TMEM131: variants seen among roughly 807,000 people sequenced by gnomAD.
The protein encoded by TMEM131 is 2610524E03Rik.
A neutral mutation model predicts 211.6 loss-of-function variants in TMEM131; 66 were observed. The ratio of observed to expected loss-of-function variants is 0.31; its 90% confidence interval spans 0.26 to 0.38. The LOEUF is 0.38. Among genes scored for constraint, TMEM131 ranks in the 10% least tolerant of loss-of-function variants. The pLI, the probability that TMEM131 is intolerant of heterozygous loss-of-function variation, is 1.00. For missense variants in TMEM131, 2,036 were observed against 2,299.3 expected (o/e 0.89, Z 2.34); for synonymous variants, 844 against 841.3 (o/e 1.00, Z -0.06).
At chr2:97,772,853 T>C (rs999714313) in intron 32 of TMEM131, among the ~76,000 whole-genome samples, 1 of 152,240 alleles carries the variant, frequency 6.6e-6, no homozygotes, top group Non-Finnish European at 1.5e-5. Context: ...GCTGAGATCA[T>C]GCCACTAAAC....
At chr2:97,833,339 AG>A in intron 11 of TMEM131, 25 bp downstream of exon 11, 1 of 1,027,484 alleles carries the variant, frequency 9.7e-7, no homozygotes, top group Non-Finnish European at 1.4e-6. Flanking sequence ...TATATAAATT[AG>A]GGGAAAAAAG....
At chr2:97,794,641 T>C (rs1171772740) in intron 29 of TMEM131, among the ~76,000 whole-genome samples, 1 of 152,238 alleles carries the variant, frequency 6.6e-6, no homozygotes, top group Non-Finnish European at 1.5e-5. Flanking sequence ...AAGTATATTA[T>C]ATATATGCCC....
At chr2:97,847,299 T>C (rs1014530917) in intron 5 of TMEM131, among the ~76,000 whole-genome samples, 1 of 152,158 alleles carries the variant, frequency 6.6e-6, no homozygotes, top group East Asian at 1.9e-4. Flanking sequence ...GAAAAATCCC[T>C]AAAAATATCT....
intron 22 of TMEM131, among the ~76,000 whole-genome samples, chr2:97,804,826 G>A (rs554926986): frequency 1.3e-5 from 2 of 151,980 alleles, no homozygotes; most frequent in Non-Finnish European, 2.9e-5. Context: ...TCCTACATAA[G>A]AACAACTTCA....
chr2:97,799,230 C>T (rs1243352045), intron 25 of TMEM131, among the ~76,000 whole-genome samples: 3 of 152,034 alleles, frequency 2.0e-5, no homozygotes. Context: ...ATCAAACTTT[C>T]CTAGCAGCCA....
Position 97,903,564 on chromosome 2 carries a change from G to A in TMEM131, c.290+5094C>T, listed in dbSNP as rs550546200. Among the ~76,000 whole-genome samples the A allele has an allele frequency of 5.9e-5, 9 of 152,284 alleles. No individual in the cohort carries two copies. In the East Asian group the frequency reaches 9.6e-4, roughly 16 times the overall value. On this transcript the variant is annotated intron_variant, in intron 3 of 40. Coordinates refer to ENST00000186436, the MANE Select transcript of TMEM131 (RefSeq NM_015348.2). ...TAAGAGAAAAATGGAACAAAGAGACGCCAAGTGCTTCCTGATAGGATGCAT... is the reference window on the plus strand; with the variant it reads ...TAAGAGAAAAATGGAACAAAGAGACACCAAGTGCTTCCTGATAGGATGCAT...
intron 1 of TMEM131, among the ~76,000 whole-genome samples, chr2:97,948,574 GC>G (rs1429139254): frequency 6.6e-6 from 1 of 152,164 alleles, no homozygotes; most frequent in African/African-American, 2.4e-5. Context: ...GCAAGGATGT[GC>G]AGGAAGTGGA....
intron 1 of TMEM131, 38 bp downstream of exon 1, chr2:97,995,438 A>G: frequency 7.5e-7 from 1 of 1,326,798 alleles, no homozygotes; most frequent in Non-Finnish European, 9.6e-7. Flanking sequence ...GAGCGGGGTG[A>G]CAGCCCCGCC....
intron 4 of TMEM131, chr2:97,887,845 A>G: frequency 2.3e-6 from 1 of 442,168 alleles, no homozygotes; most frequent in Admixed American, 3.7e-5. Flanking sequence ...GTATTTTTCA[A>G]GCTTTAAAAG....
intron 27 of TMEM131, 73 bp from the exon 28 acceptor site, chr2:97,796,477 T>A: frequency 1.1e-6 from 1 of 917,350 alleles, no homozygotes; most frequent in African/African-American, 1.7e-5. Context: ...ATAAATACAT[T>A]ATTCATGAAT....
At chr2:97,779,110 C>T (rs1679869039) in intron 31 of TMEM131, among the ~76,000 whole-genome samples, 1 of 152,222 alleles carries the variant, frequency 6.6e-6, no homozygotes, top group South Asian at 2.1e-4. Flanking sequence ...GATTCTGACT[C>T]AACAGTTCTG....
At chr2:97,914,835 C>T (rs907447985) in intron 2 of TMEM131, among the ~76,000 whole-genome samples, 10 of 152,196 alleles carry the variant, frequency 6.6e-5, no homozygotes, top group African/African-American at 1.2e-4. Context: ...CTGCTATGAA[C>T]ATTTATATAC....
intron 3 of TMEM131, among the ~76,000 whole-genome samples, chr2:97,898,677 TTG>T (rs1675720859): frequency 6.6e-6 from 1 of 152,188 alleles, no homozygotes; most frequent in African/African-American, 2.4e-5. Context: ...TAAATGTCTA[TTG>T]TTTAAGCCAC....
At chr2:97,849,516 C>T (rs1442353570) in intron 5 of TMEM131, among the ~76,000 whole-genome samples, 1 of 152,108 alleles carries the variant, frequency 6.6e-6, no homozygotes, top group Admixed American at 6.5e-5. Flanking sequence ...GAATAGGCTA[C>T]ACTCAGTGGT....
chr2:97,794,817 G>T, intron 29 of TMEM131, 113 bp downstream of exon 29: 1 of 844,710 alleles, frequency 1.2e-6, no homozygotes, highest in Non-Finnish European at 1.8e-6. Flanking sequence ...GCAGAGTTCT[G>T]TCTTGTTTGC....
chr2:97,814,235 T>C lies in TMEM131; in HGVS notation c.1446A>G (p.Lys482=), dbSNP rs761525758. ...LLPEEAKTMF[K]VHNFSKPVLI... ...AAAGTATGAGGGCTCCTGGACATAC[T>C]TTAAACATTGTTTTGGCTTCTTCTG... is the stretch of plus-strand genomic sequence containing the variant. The change falls in exon 14 of 41, where the codon AAA becomes AAG. Residue 482 remains lysine (K), a splice_region_variant and synonymous_variant. Transcript: ENST00000186436. The C allele has an allele frequency of 2.5e-6, 4 of 1,613,642 alleles. No individual in the cohort carries two copies. Among genetic ancestry groups the C allele is most frequent in the South Asian group, 2.2e-5 (2 of 91,006 alleles).
At chr2:97,779,685 C>T (rs1477258926) in intron 31 of TMEM131, among the ~76,000 whole-genome samples, 1 of 152,202 alleles carries the variant, frequency 6.6e-6, no homozygotes, top group African/African-American at 2.4e-5. Context: ...ATCTATTTAA[C>T]AAGACCTCCA....
intron 4 of TMEM131, among the ~76,000 whole-genome samples, chr2:97,874,628 T>C (rs1055940915): frequency 6.6e-6 from 1 of 152,170 alleles, no homozygotes; most frequent in Non-Finnish European, 1.5e-5. Context: ...CAAACTAAGC[T>C]TCATAAGTGA....
chr2:97,766,308 C>G (rs1345716438), intron 34 of TMEM131, 45 bp from the exon 35 acceptor site: 2 of 1,611,730 alleles, frequency 1.2e-6, no homozygotes, highest in South Asian at 1.1e-5. Context: ...AGAATCATTC[C>G]TTTCTTTCAG....
Sources: allele counts gnomAD v4.1 joint callset (sites outside exome capture counted in the v4.1 genomes callset), GRCh38; gene constraint gnomAD v4.1.1; transcripts MANE v1.5; gene names NCBI Gene and HGNC (gene_info 2026-07-23, HGNC 2026-07-21).